CDC42BPA: variants seen among roughly 807,000 people sequenced by gnomAD.
CDC42BPA encodes CDC42 binding protein kinase alpha.
CDC42BPA carries 80 observed loss-of-function variants against 223.5 expected under a neutral mutation model. That is an observed-to-expected ratio of 0.36 (90% CI 0.30 to 0.43). The LOEUF (loss-of-function observed/expected upper bound fraction) is 0.43, where lower values mean the gene tolerates loss of function less well. Among genes scored for constraint, CDC42BPA ranks in the 20% least tolerant of loss-of-function variants. The pLI is 1.00. For missense variants in CDC42BPA, 1,743 were observed against 2,099.9 expected, an observed-to-expected ratio of 0.83 and a Z score of 3.32; for synonymous variants, 694 against 718.6, an observed-to-expected ratio of 0.97 and a Z score of 0.55.
rs762577720 is a variant in CDC42BPA, at chr1:227,029,124, C to G, written c.3965G>C (p.Gly1322Ala). 5.6e-6 allele frequency: 9 copies of G among 1,611,442 alleles called. No homozygotes were observed. The highest frequency in any genetic ancestry group is 6.8e-6 in the Non-Finnish European group (8 of 1,179,992). The change falls in exon 30 of 37, where the codon GGG becomes GCG. Residue 1322 changes from glycine (G) to alanine (A), a missense_variant. By Grantham distance (60) the Gly-to-Ala change is moderately conservative. Transcript: ENST00000366766. ...VRLFPMSALD[G>A]RETDFYKLSE... ...CAGCTTGTAAAAATCGGTCTCTCGCCCATCCAATGCTGACATAGGAAAAAG... is the reference window on the plus strand; with the variant it reads ...CAGCTTGTAAAAATCGGTCTCTCGCGCATCCAATGCTGACATAGGAAAAAG...
chr1:227,090,946 T>C (rs1682960489), intron 16 of CDC42BPA, among the ~76,000 whole-genome samples: 1 of 152,172 alleles, frequency 6.6e-6, no homozygotes, highest in African/African-American at 2.4e-5. Flanking sequence ...CTTTAAGTAT[T>C]TGAAATTTTG....
At chr1:227,059,037 T>C (rs1319635130) in intron 21 of CDC42BPA, among the ~76,000 whole-genome samples, 1 of 152,168 alleles carries the variant, frequency 6.6e-6, no homozygotes, top group Non-Finnish European at 1.5e-5. Flanking sequence ...CATACTTGCT[T>C]ACAAAAGATT....
At chr1:227,079,719 A>T (rs1373547278) in intron 17 of CDC42BPA, among the ~76,000 whole-genome samples, 1 of 152,118 alleles carries the variant, frequency 6.6e-6, no homozygotes, top group Non-Finnish European at 1.5e-5. Context: ...AAGAGCTCTT[A>T]ATGGAAAAAC....
chr1:227,196,506 A>T lies in CDC42BPA; in HGVS notation c.451-2572T>A, dbSNP rs7517914. On this transcript the variant is annotated intron_variant, in intron 4 of 36. Transcript: ENST00000366766. ...AGGCGCCCACCACCACACCCGGCTA[A>T]TTTTTTGTATTTTTAGTAGAGACCG... Among the ~76,000 whole-genome samples the T allele has an allele frequency of 3.7e-3, 552 of 151,226 alleles. 2 individuals are homozygous for T. The highest frequency in any genetic ancestry group is 6.1e-3 in the Non-Finnish European group (413 of 67,772).
intron 1 of CDC42BPA, among the ~76,000 whole-genome samples, chr1:227,259,971 A>G (rs918098471): frequency 8.0e-5 from 12 of 150,606 alleles, no homozygotes; most frequent in Non-Finnish European, 1.3e-4. Flanking sequence ...TAATAATCTT[A>G]GCAGGCATTA....
At chr1:227,240,736 A>T (rs1302161922) in intron 2 of CDC42BPA, among the ~76,000 whole-genome samples, 1 of 151,996 alleles carries the variant, frequency 6.6e-6, no homozygotes, top group Non-Finnish European at 1.5e-5. Flanking sequence ...ATCAGACATG[A>T]ATTTGAGATG....
At chr1:226,995,351 T>C (rs752447661) in intron 35 of CDC42BPA, among the ~76,000 whole-genome samples, 19 of 152,210 alleles carry the variant, frequency 1.2e-4, no homozygotes, top group Non-Finnish European at 1.9e-4. Context: ...CACATCTCTT[T>C]CATGGCATTT....
intron 21 of CDC42BPA, among the ~76,000 whole-genome samples, chr1:227,060,107 C>T (rs183920949): frequency 9.8e-4 from 144 of 146,644 alleles, no homozygotes; most frequent in Non-Finnish European, 1.7e-3. Context: ...TCTTGGCTCA[C>T]TGCAAGCTCC....
intron 2 of CDC42BPA, among the ~76,000 whole-genome samples, chr1:227,225,296 G>A (rs1207505678): frequency 6.6e-6 from 1 of 151,978 alleles, no homozygotes; most frequent in African/African-American, 2.4e-5. Flanking sequence ...CCCTACTCAA[G>A]GGCATGTAAA....
chr1:227,120,893 G>A (rs894760764), intron 11 of CDC42BPA, among the ~76,000 whole-genome samples: 2 of 152,146 alleles, frequency 1.3e-5, no homozygotes. Flanking sequence ...ATGGTTTCGG[G>A]ATGAAACTGT....
chr1:227,036,634 T>A (rs1352640941), intron 24 of CDC42BPA, among the ~76,000 whole-genome samples: 1 of 152,124 alleles, frequency 6.6e-6, no homozygotes, highest in Non-Finnish European at 1.5e-5. Flanking sequence ...TTTCACCGTG[T>A]TAGCCAGGAT....
chr1:227,072,287 A>G lies in CDC42BPA; in HGVS notation c.2748T>C (p.Asp916=). The change falls in exon 20 of 37, where the codon GAT becomes GAC. Residue 916 remains aspartate (D), a synonymous_variant. Transcript: ENST00000366766. ...SNIITECKLK[D]SEKKNLELLS... ...GTAGTTCCAAGTTCTTCTTCTCTGAATCTTTTAGTTTACTTAAATAAGGAG... is the reference window on the plus strand; with the variant it reads ...GTAGTTCCAAGTTCTTCTTCTCTGAGTCTTTTAGTTTACTTAAATAAGGAG... The G allele has an allele frequency of 6.3e-7, 1 of 1,592,970 alleles. No individual in the cohort carries two copies. The highest frequency in any genetic ancestry group is 8.6e-7 in the Non-Finnish European group (1 of 1,162,280).
At chr1:227,160,746 C>A in intron 5 of CDC42BPA, 110 bp from the exon 6 acceptor site, 1 of 604,076 alleles carries the variant, frequency 1.7e-6, no homozygotes, top group South Asian at 2.4e-5. Flanking sequence ...AAGTAATATT[C>A]TAAGAAAATC....
chr1:227,138,771 A>G (rs12039370), intron 10 of CDC42BPA, among the ~76,000 whole-genome samples: 55,852 of 151,864 alleles, frequency 0.37, 10,423 homozygotes, highest in African/African-American at 0.39. Flanking sequence ...GAAGATACAA[A>G]GTTGTATTCA....
chr1:227,269,169 G>A (rs1200381398), intron 1 of CDC42BPA, among the ~76,000 whole-genome samples: 2 of 152,172 alleles, frequency 1.3e-5, no homozygotes, highest in Admixed American at 6.5e-5. Flanking sequence ...AAACAAATAG[G>A]TGGGGCTATG....
At chr1:227,163,859 C>T (rs1486667018) in intron 5 of CDC42BPA, among the ~76,000 whole-genome samples, 1 of 151,930 alleles carries the variant, frequency 6.6e-6, no homozygotes, top group Non-Finnish European at 1.5e-5. Context: ...TAAAGTTATG[C>T]TTTTCCAGTT....
At chr1:227,213,241 T>C (rs763224718) in intron 2 of CDC42BPA, 22 bp from the exon 3 acceptor site, 56 of 1,235,546 alleles carry the variant, frequency 4.5e-5, no homozygotes, top group Non-Finnish European at 5.9e-5. Context: ...AAAGGAAATA[T>C]AAATTTTAAA....
intron 2 of CDC42BPA, among the ~76,000 whole-genome samples, chr1:227,221,210 T>C (rs1211411152): frequency 6.6e-6 from 1 of 152,214 alleles, no homozygotes; most frequent in Non-Finnish European, 1.5e-5. Flanking sequence ...TCTTTTGCTG[T>C]AACCTGTTAA....
intron 1 of CDC42BPA, among the ~76,000 whole-genome samples, chr1:227,257,180 G>C (rs935443544): frequency 6.6e-6 from 1 of 152,002 alleles, no homozygotes; most frequent in African/African-American, 2.4e-5. Context: ...TAAGGGCTGG[G>C]GGACAGGAGA....
Sources: gnomAD v4.1 joint callset for allele counts (sites outside exome capture counted in the v4.1 genomes callset) on GRCh38, gnomAD v4.1.1 for gene constraint, MANE v1.5 for transcripts, NCBI Gene and HGNC (gene_info 2026-07-23, HGNC 2026-07-21) for gene names.